ASH1L: variants seen among roughly 807,000 people sequenced by gnomAD.
The protein encoded by ASH1L is ASH1 like histone lysine methyltransferase.
In ASH1L, 23 loss-of-function variants were observed where a neutral mutation model predicts 269.0. The observed-to-expected ratio is 0.09, with a 90% confidence interval of 0.06 to 0.12. The LOEUF (loss-of-function observed/expected upper bound fraction) is 0.12. ASH1L is among the 10% of genes least tolerant of loss of function. ASH1L has a pLI of 1.00. For synonymous variants in ASH1L, 1,187 were observed against 1,253.5 expected (o/e 0.95, Z 1.12); for missense variants, 2,912 against 3,567.8 (o/e 0.82, Z 4.68).
intron 2 of ASH1L, among the ~76,000 whole-genome samples, chr1:155,517,080 T>A (rs1313743905): frequency 6.6e-6 from 1 of 152,162 alleles, no homozygotes; most frequent in Non-Finnish European, 1.5e-5. Context: ...CATTATTGTT[T>A]AAAGAAACAG....
chr1:155,438,501 G>A lies in ASH1L; in HGVS notation c.5654C>T (p.Ala1885Val). ...AACTGTGTCAGGACTGAGGTGCAGT[G>A]CTGCTCCTTCCTCGTCTCTGTTCAA... Reference protein sequence around the residue: ...PELNRDEEGAALHLSPDTVTD... With the variant: ...PELNRDEEGAVLHLSPDTVTD... Residue 1885 changes from alanine (A) to valine (V), a missense_variant, in exon 5 of 28, where the codon GCA becomes GTA. Ala to Val is a moderately conservative substitution (Grantham distance 64). Coordinates refer to ENST00000392403, the MANE Select transcript of ASH1L (RefSeq NM_018489.3). 1 of 1,613,558 alleles carries A rather than the reference G, an allele frequency of 6.2e-7. No individual in the cohort carries two copies. The highest frequency in any genetic ancestry group is 8.5e-7 in the Non-Finnish European group (1 of 1,179,788).
At chr1:155,488,381 C>T (rs1224608978) in intron 2 of ASH1L, among the ~76,000 whole-genome samples, 1 of 149,204 alleles carries the variant, frequency 6.7e-6, no homozygotes. Flanking sequence ...ATTTTGAAGC[C>T]GGGTACGGTG....
In ASH1L at chr1:155,372,293, GT is replaced by G. The variant is rs71589997; in HGVS notation, c.6333-1311del. Among the ~76,000 whole-genome samples the G allele has an allele frequency of 3.2e-3, 441 of 139,904 alleles. 2 individuals are homozygous for G. The highest frequency in any genetic ancestry group is 8.3e-3 in the African/African-American group (316 of 37,940). 91.8% of individuals were successfully genotyped at this position (139,904 alleles called of 152,430 possible). ...TGGCATGAGCCACTGTGCCCAGCCA[GT>G]TTTTTTTTTTTTTAATTTATTTTTA... is the stretch of plus-strand genomic sequence containing the variant. On this transcript the variant is annotated intron_variant, in intron 10 of 27. Transcript: ENST00000392403.
chr1:155,562,422 G>A lies in ASH1L; in HGVS notation c.-369C>T, dbSNP rs1469249109. On this transcript the variant is annotated 5_prime_UTR_variant, in exon 1 of 28. Coordinates refer to ENST00000392403, the MANE Select transcript of ASH1L (RefSeq NM_018489.3). ...CGCAAAGCGAACCCAAAATGGCGGCGGGAGCGGCGGCGGCGGCGGCGGCAG... is the reference window on the plus strand; with the variant it reads ...CGCAAAGCGAACCCAAAATGGCGGCAGGAGCGGCGGCGGCGGCGGCGGCAG... 4.7e-6 allele frequency: 7 copies of A among 1,482,538 alleles called. No homozygotes were observed. Among genetic ancestry groups the A allele is most frequent in the Middle Eastern group, 1.7e-4 (1 of 5,866 alleles). The allele number at this position is 1,482,538 out of a possible 1,614,324, so 91.8% of individuals were successfully genotyped here.
intron 20 of ASH1L, among the ~76,000 whole-genome samples, chr1:155,347,257 G>A (rs771177677): frequency 6.6e-6 from 1 of 151,908 alleles, no homozygotes; most frequent in Non-Finnish European, 1.5e-5. Context: ...AAAATTAGCC[G>A]GGCATGGTGG....
At position 155,338,116 on chromosome 1, in the gene ASH1L, G is replaced by T; in HGVS notation, c.8776C>A (p.Leu2926Ile). The T allele has an allele frequency of 6.2e-7, 1 of 1,613,638 alleles. No homozygotes were observed. The change falls in exon 27 of 28, where the codon CTC (leucine) becomes ATC (isoleucine). Residue 2926 changes from leucine to isoleucine, a missense_variant. Around this residue, in one of 13 missense-constraint regions of ASH1L, gnomAD observed 154 missense variants for 165.0 expected, o/e 0.93. Transcript: ENST00000392403. ...TTTTTTCCAGGGATTTTTTCAAGGAGATTGAGCAAGATCTGGTTGAGTCGT... is the reference window on the plus strand; with the variant it reads ...TTTTTTCCAGGGATTTTTTCAAGGATATTGAGCAAGATCTGGTTGAGTCGT... Reference protein sequence around the residue: ...RERLNQILLNLLEKIPGKNAI... With the variant: ...RERLNQILLNILEKIPGKNAI...
chr1:155,340,978 T>C (rs1280923573), intron 25 of ASH1L, among the ~76,000 whole-genome samples: 1 of 151,938 alleles, frequency 6.6e-6, no homozygotes, highest in Non-Finnish European at 1.5e-5. Flanking sequence ...GTTGTTGTTG[T>C]TGTTTTGTTT....
chr1:155,452,368 A>G (rs566289286), intron 4 of ASH1L, among the ~76,000 whole-genome samples: 67 of 152,220 alleles, frequency 4.4e-4, no homozygotes, highest in Non-Finnish European at 8.8e-4. Context: ...GTATTTTGCC[A>G]CAATTAAAAA....
At chr1:155,527,531 C>CTT (rs35475547) in intron 1 of ASH1L, among the ~76,000 whole-genome samples, 171 of 110,782 alleles carry the variant, frequency 1.5e-3, no homozygotes, top group South Asian at 2.5e-3. Context: ...TACGGGATAC[C>CTT]TTTTTTTTTT....
chr1:155,340,985 G>A (rs1652743323), intron 25 of ASH1L, among the ~76,000 whole-genome samples: 1 of 151,820 alleles, frequency 6.6e-6, no homozygotes, highest in African/African-American at 2.4e-5. Context: ...TTGTTGTTTT[G>A]TTTTGAGATG....
chr1:155,517,801 T>G (rs1428481391), intron 2 of ASH1L, among the ~76,000 whole-genome samples: 1 of 121,364 alleles, frequency 8.2e-6, no homozygotes, highest in African/African-American at 3.1e-5. Flanking sequence ...TTCTTTTTTT[T>G]TTTTTTTTTT....
At chr1:155,351,469 T>C (rs1479612422) in intron 17 of ASH1L, among the ~76,000 whole-genome samples, 2 of 151,220 alleles carry the variant, frequency 1.3e-5, no homozygotes. Context: ...GGGAGAATCA[T>C]CTGAACCCTT....
intron 7 of ASH1L, among the ~76,000 whole-genome samples, chr1:155,392,896 T>C (rs1299295070): frequency 5.3e-5 from 8 of 151,536 alleles, no homozygotes; most frequent in Non-Finnish European, 4.4e-5. Flanking sequence ...CGGAGTGCAA[T>C]GGGGTGATCT....
intron 4 of ASH1L, among the ~76,000 whole-genome samples, chr1:155,450,902 A>G (rs1445107730): frequency 6.6e-6 from 1 of 152,202 alleles, no homozygotes; most frequent in Non-Finnish European, 1.5e-5. Flanking sequence ...CATGCTAAAA[A>G]ATGGATAAAC....
chr1:155,379,086 A>C (rs1656717540), intron 8 of ASH1L, among the ~76,000 whole-genome samples: 1 of 151,996 alleles, frequency 6.6e-6, no homozygotes, highest in South Asian at 2.1e-4. Flanking sequence ...TATAATCAAG[A>C]AGATATTAGA....
chr1:155,436,969 T>C (rs987439058), intron 5 of ASH1L, among the ~76,000 whole-genome samples: 1 of 152,192 alleles, frequency 6.6e-6, no homozygotes, highest in Non-Finnish European at 1.5e-5. Flanking sequence ...TTTGGCACCT[T>C]TGTCAAAAAT....
intron 6 of ASH1L, among the ~76,000 whole-genome samples, chr1:155,400,856 C>T (rs945231234): frequency 4.6e-5 from 7 of 152,226 alleles, no homozygotes; most frequent in South Asian, 2.1e-4. Flanking sequence ...CAGACCCAGA[C>T]AAAAGATAAA....
At chr1:155,397,209 A>G (rs1285629196) in intron 6 of ASH1L, among the ~76,000 whole-genome samples, 2 of 151,698 alleles carry the variant, frequency 1.3e-5, no homozygotes, top group Non-Finnish European at 2.9e-5. Context: ...TGTAAGAAAG[A>G]TTGCTGACCG....
At chr1:155,506,902 T>C (rs1382394654) in intron 2 of ASH1L, among the ~76,000 whole-genome samples, 1 of 152,194 alleles carries the variant, frequency 6.6e-6, no homozygotes, top group Non-Finnish European at 1.5e-5. Flanking sequence ...AAGACCAGCC[T>C]GGCCAACATA....
Sources: gnomAD v4.1 joint callset for allele counts (sites outside exome capture counted in the v4.1 genomes callset) on GRCh38, gnomAD v4.1.1 for gene constraint, gnomAD v4.1.1 regional missense constraint, MANE v1.5 for transcripts, NCBI Gene and HGNC (gene_info 2026-07-23, HGNC 2026-07-21) for gene names.